Variants in GAPVD1 observed in about 807,000 individuals in gnomAD.
GAPVD1 encodes the protein GTPase-activating protein and VPS9 domain-containing protein 1.
In GAPVD1, 35 loss-of-function variants were observed where a neutral mutation model predicts 155.5. That is an observed-to-expected ratio of 0.23 (90% CI 0.17 to 0.30). The LOEUF is 0.30. Ranked by LOEUF, GAPVD1 falls within the 10% of genes least tolerant of loss-of-function variation. GAPVD1 has a pLI of 1.00. For missense variants in GAPVD1, 1,429 were observed against 1,775.7 expected, an observed-to-expected ratio of 0.80 and a Z score of 3.51; for synonymous variants, 636 against 619.7, an observed-to-expected ratio of 1.03 and a Z score of -0.39.
At chr9:125,284,872 A>T (rs1409785907) in intron 2 of GAPVD1, among the ~76,000 whole-genome samples, 1 of 152,226 alleles carries the variant, frequency 6.6e-6, no homozygotes, top group Non-Finnish European at 1.5e-5. Flanking sequence ...AAACAAGAAA[A>T]ATAGTACAGT....
At chr9:125,290,202 A>G (rs1838352627) in intron 2 of GAPVD1, among the ~76,000 whole-genome samples, 3 of 152,162 alleles carry the variant, frequency 2.0e-5, no homozygotes, top group African/African-American at 7.2e-5. Flanking sequence ...GGAAGGAGAA[A>G]AAATGGTATG....
intron 9 of GAPVD1, among the ~76,000 whole-genome samples, chr9:125,314,851 G>A (rs1308560320): frequency 2.0e-5 from 3 of 147,524 alleles, no homozygotes; most frequent in East Asian, 4.1e-4. Flanking sequence ...GCAGTGGTGC[G>A]ATCTCGGCTC....
chr9:125,312,448 T>C lies in GAPVD1; in HGVS notation c.1442-4T>C. On this transcript the variant is annotated splice_polypyrimidine_tract_variant and splice_region_variant and intron_variant, in intron 8 of 27. Coordinates refer to ENST00000297933, the MANE Select transcript of GAPVD1 (RefSeq NM_001282680.3). Reference sequence around the variant, plus strand: ...AAATTATTTTATTTGAAATTTTTTATTAGCAACTCGGAGCAGAAGCCGCAC... The same window carrying C: ...AAATTATTTTATTTGAAATTTTTTACTAGCAACTCGGAGCAGAAGCCGCAC... 2 of 1,560,302 alleles carry C rather than the reference T, an allele frequency of 1.3e-6. No homozygotes were observed. Among genetic ancestry groups the C allele is most frequent in the South Asian group, 1.2e-5 (1 of 81,628 alleles).
In GAPVD1 at chr9:125,321,435, C is replaced by G; in HGVS notation, c.1605C>G (p.Val535=). 1 of 1,610,666 alleles carries G rather than the reference C, an allele frequency of 6.2e-7. No homozygotes were observed. Among genetic ancestry groups the G allele is most frequent in the Non-Finnish European group, 8.5e-7 (1 of 1,177,756 alleles). ...AAAATTGACATTTTATTTTTTAGGT[C>G]CTAAACATGCAGCTTTCGGATGGAG... ...LTPGMMSENE[V]LNMQLSDGGQ... Residue 535 remains valine, a splice_region_variant and synonymous_variant, in exon 10 of 28, where the codon GTC becomes GTG. Transcript: ENST00000297933.
Position 125,364,688 on chromosome 9 carries a change from T to A in GAPVD1, c.*1942T>A, listed in dbSNP as rs1321273898. Reference sequence around the variant, plus strand: ...AAACTAGTACTATGAAATGTCCTTTTGAATGTTAGGTCAAGAAATCCATGT... The same window carrying A: ...AAACTAGTACTATGAAATGTCCTTTAGAATGTTAGGTCAAGAAATCCATGT... On this transcript the variant is annotated 3_prime_UTR_variant, in exon 28 of 28. Coordinates refer to ENST00000297933, the MANE Select transcript of GAPVD1 (RefSeq NM_001282680.3). The A allele has an allele frequency of 1.3e-5, 2 of 152,490 alleles. No homozygotes were observed. The highest frequency in any genetic ancestry group is 2.9e-5 in the Non-Finnish European group (2 of 68,046). 9.4% of individuals were successfully genotyped at this position (152,490 alleles called of 1,614,324 possible).
chr9:125,321,026 C>T (rs962807940), intron 9 of GAPVD1, among the ~76,000 whole-genome samples: 2 of 152,204 alleles, frequency 1.3e-5, no homozygotes, highest in Admixed American at 1.3e-4. Context: ...ACATGGCATA[C>T]ATACTGTTAC....
rs578154406 is a variant in GAPVD1, at chr9:125,313,505, G to A, written c.1602+893G>A. ...TTTTCAGTAGAGAAGGGGTTCCACC[G>A]TGTTAGCCAGGATGGTCTCGATCTC... On this transcript the variant is annotated intron_variant, in intron 9 of 27. Transcript: ENST00000297933. 5.3e-5 allele frequency among the ~76,000 whole-genome samples: 8 copies of A among 152,022 alleles called. No homozygotes were observed. In the East Asian group the frequency reaches 9.7e-4, roughly 19 times the overall value.
chr9:125,312,496 A>G lies in GAPVD1; in HGVS notation c.1486A>G (p.Met496Val). 6.2e-7 allele frequency: 1 copy of G among 1,603,714 alleles called. No homozygotes were observed. The highest frequency in any genetic ancestry group is 8.5e-7 in the Non-Finnish European group (1 of 1,174,380). The change falls in exon 9 of 28, where the codon ATG (methionine) becomes GTG (valine). Residue 496 changes from methionine to valine, a missense_variant. By Grantham distance (21) the Met-to-Val change is conservative (BLOSUM62 1). Coordinates refer to ENST00000297933, the MANE Select transcript of GAPVD1 (RefSeq NM_001282680.3). ...CACCAATATGCTAATGGACCTACAT[A>G]TGGACCATGAAGGATCATCTCAAGA... is the stretch of plus-strand genomic sequence containing the variant. ...SRTNMLMDLH[M>V]DHEGSSQETI...
chr9:125,351,626 C>G (rs963721273), intron 23 of GAPVD1, among the ~76,000 whole-genome samples: 3 of 152,190 alleles, frequency 2.0e-5, no homozygotes, highest in South Asian at 2.1e-4. Context: ...AGGCCCCATC[C>G]AAGTCTGAAA....
intron 19 of GAPVD1, chr9:125,346,281 A>G (rs1251553069): frequency 6.1e-6 from 1 of 164,420 alleles, no homozygotes; most frequent in African/African-American, 2.4e-5. Context: ...CAGCAGCAGC[A>G]CTGTCATGGT....
intron 27 of GAPVD1, 101 bp from the exon 28 acceptor site, chr9:125,362,505 G>C (rs1444293123): frequency 1.1e-6 from 1 of 936,502 alleles, no homozygotes; most frequent in Non-Finnish European, 1.6e-6. Context: ...CAAAAGGATT[G>C]GTATGTCTTT....
chr9:125,344,750 T>C (rs1848277309), intron 19 of GAPVD1, among the ~76,000 whole-genome samples: 1 of 151,530 alleles, frequency 6.6e-6, no homozygotes, highest in Non-Finnish European at 1.5e-5. Context: ...TGGGGTTACA[T>C]TAAGCTATGT....
Position 125,332,065 on chromosome 9 carries a change from G to A in GAPVD1, c.2308+5G>A. 6.2e-7 allele frequency: 1 copy of A among 1,613,946 alleles called. No homozygotes were observed. The highest frequency in any genetic ancestry group is 8.5e-7 in the Non-Finnish European group (1 of 1,179,882). On this transcript the variant is annotated splice_donor_5th_base_variant and intron_variant, in intron 14 of 27. Transcript: ENST00000297933. ...CAGGCCTCAGTGTTGTGTCCGGTAT[G>A]TCTGTCTTGTTTTAAGGAGTAGGGA...
chr9:125,282,884 T>A (rs1391902308), intron 2 of GAPVD1, among the ~76,000 whole-genome samples: 1 of 152,126 alleles, frequency 6.6e-6, no homozygotes, highest in African/African-American at 2.4e-5. Context: ...TTAATTAAAA[T>A]AGTCTTTGTA....
chr9:125,266,623 A>C (rs191347155), intron 1 of GAPVD1, among the ~76,000 whole-genome samples: 5 of 151,102 alleles, frequency 3.3e-5, no homozygotes, highest in Non-Finnish European at 7.4e-5. Context: ...CGTTATCTAT[A>C]ATTTCTTTTG....
chr9:125,290,560 A>G (rs374531106), intron 2 of GAPVD1, among the ~76,000 whole-genome samples: 1 of 152,238 alleles, frequency 6.6e-6, no homozygotes, highest in African/African-American at 2.4e-5. Context: ...GCGGAGCCGA[A>G]TAAGGATAAG....
rs1181146031 is a variant in GAPVD1 at position 125,364,793 on chromosome 9, G to A, written c.*2047G>A. 2.6e-5 allele frequency: 4 copies of A among 152,578 alleles called. No homozygotes were observed. The highest frequency in any genetic ancestry group is 6.5e-5 in the Admixed American group (1 of 15,268). 9.5% of individuals were successfully genotyped at this position (152,578 alleles called of 1,614,324 possible). On this transcript the variant is annotated 3_prime_UTR_variant, in exon 28 of 28. Transcript: ENST00000297933. ...TTAAATCCCATCGTAAATACATCACGAGGCCAGCTGTGTGATTTCTGAGAC... is the reference window on the plus strand; with the variant it reads ...TTAAATCCCATCGTAAATACATCACAAGGCCAGCTGTGTGATTTCTGAGAC...
chr9:125,341,108 AAG>A, intron 17 of GAPVD1, 67 bp from the exon 18 acceptor site: 1 of 865,470 alleles, frequency 1.2e-6, no homozygotes, highest in Non-Finnish European at 2.0e-6. Flanking sequence ...AACAAACAAA[AAG>A]AAATCCTTTT....
chr9:125,333,165 G>A (rs545828988), intron 15 of GAPVD1, among the ~76,000 whole-genome samples: 3 of 151,748 alleles, frequency 2.0e-5, no homozygotes, highest in East Asian at 3.9e-4. Flanking sequence ...TCCGCCTCCT[G>A]GGTCTGCTGG....
Sources: gnomAD v4.1 joint callset for allele counts (sites outside exome capture counted in the v4.1 genomes callset) on GRCh38, gnomAD v4.1.1 for gene constraint, MANE v1.5 for transcripts, NCBI Gene and HGNC (gene_info 2026-07-23, HGNC 2026-07-21) for gene names.